The following RBFOX3 variants were observed in gnomAD, a reference collection of about 807,000 sequenced individuals.
RBFOX3 encodes RNA binding fox-1 homolog 3, also known as RNA binding protein fox-1 homolog 3.
A neutral mutation model predicts 48.7 loss-of-function variants in RBFOX3; 17 were observed. The observed-to-expected ratio is 0.35, with a 90% CI of 0.24 to 0.52. The LOEUF is 0.52. RBFOX3 is among the 20% of genes least tolerant of loss of function. RBFOX3 has a pLI of 0.94. For missense variants in RBFOX3, 382 were observed against 497.5 expected, an observed-to-expected ratio of 0.77 and a Z score of 2.21; for synonymous variants, 212 against 209.5, an observed-to-expected ratio of 1.01 and a Z score of -0.10.
intron 4 of RBFOX3, among the ~76,000 whole-genome samples, chr17:79,171,884 A>G (rs1041748907): frequency 6.7e-6 from 1 of 149,414 alleles, no homozygotes; most frequent in Non-Finnish European, 1.5e-5. Flanking sequence ...AGAATTACCA[A>G]CCTTTGGCTG....
At position 79,292,786 on chromosome 17, in the gene RBFOX3, T is replaced by C. The variant is rs369159436; in HGVS notation, c.-74+14938A>G. ...GCCGCTAGAGACCCTACTGTTGTAT[T>C]CTGATTTCACCAACATGAAACTGCA... On this transcript the variant is annotated intron_variant, in intron 3 of 14. Transcript: ENST00000693108. Among the ~76,000 whole-genome samples the C allele has an allele frequency of 1.1e-4, 16 of 151,332 alleles. No individual in the cohort carries two copies. In the South Asian group the frequency reaches 3.3e-3, roughly 32 times the overall value.
At chr17:79,412,074 G>A (rs577259375) in intron 2 of RBFOX3, among the ~76,000 whole-genome samples, 15 of 151,718 alleles carry the variant, frequency 9.9e-5, no homozygotes, top group Admixed American at 5.2e-4. Flanking sequence ...GCGTGTAGAC[G>A]CATGCGTGTA....
chr17:79,330,248 T>C (rs1234721536), intron 2 of RBFOX3, among the ~76,000 whole-genome samples: 1 of 152,180 alleles, frequency 6.6e-6, no homozygotes, highest in Non-Finnish European at 1.5e-5. Context: ...GAGTAGACAC[T>C]GGGGAGTGTC....
chr17:79,295,554 C>T (rs915784006), intron 3 of RBFOX3, among the ~76,000 whole-genome samples: 1 of 152,180 alleles, frequency 6.6e-6, no homozygotes, highest in African/African-American at 2.4e-5. Context: ...ATGCCTGACT[C>T]AGGGTCTGAG....
the RBFOX3 span, among the ~76,000 whole-genome samples, chr17:79,630,709 A>G: frequency 4.6e-5 from 7 of 152,336 alleles, no homozygotes; most frequent in South Asian, 1.0e-3. Flanking sequence ...GTGGTTCAGG[A>G]GAGGAAGGGA....
intron 2 of RBFOX3, chr17:79,424,057 GCACCCTCACT>G (rs1555724324): frequency 6.6e-6 from 1 of 152,268 alleles, no homozygotes; most frequent in Non-Finnish European, 1.5e-5. Flanking sequence ...CGCCCTCTAG[GCACCCTCACT>G]CACCCCATAC....
chr17:79,395,332 G>C (rs1213899134), intron 2 of RBFOX3, among the ~76,000 whole-genome samples: 1 of 152,206 alleles, frequency 6.6e-6, no homozygotes, highest in Non-Finnish European at 1.5e-5. Context: ...TCCACACCTG[G>C]ACTGAGCACA....
chr17:79,637,373 C>T, the RBFOX3 span, among the ~76,000 whole-genome samples: 2 of 152,086 alleles, frequency 1.3e-5, no homozygotes, highest in Non-Finnish European at 2.9e-5. Flanking sequence ...GCACTTGGAA[C>T]ATTCTCCAGG....
At position 79,303,965 on chromosome 17, in the gene RBFOX3, C is replaced by T. The variant is rs375053404; in HGVS notation, c.-74+3759G>A. Among the ~76,000 whole-genome samples, 34 of 152,150 alleles carry T rather than the reference C, an allele frequency of 2.2e-4. No individual in the cohort carries two copies. In the East Asian group the frequency reaches 3.7e-3, roughly 16 times the overall value. ...GGAACATGAAGCCAGATGCACCACC[C>T]GCTATGGAGCTGCCTGCGACTTGGG... On this transcript the variant is annotated intron_variant, in intron 3 of 14. Transcript: ENST00000693108.
intron 2 of RBFOX3, among the ~76,000 whole-genome samples, chr17:79,430,746 C>T (rs1014489934): frequency 2.6e-5 from 4 of 152,122 alleles, no homozygotes; most frequent in Non-Finnish European, 4.4e-5. Context: ...GGTTTTGCCA[C>T]GTTGGCCAGG....
In RBFOX3 at chr17:79,204,877, G is replaced by A. The variant is rs1264736391; in HGVS notation, c.-34+30889C>T. Among the ~76,000 whole-genome samples, 1 of 152,174 alleles carries A rather than the reference G, an allele frequency of 6.6e-6. No homozygotes were observed. The highest frequency in any genetic ancestry group is 1.5e-5 in the Non-Finnish European group (1 of 68,036). ...GCCAGGCTTTGGAGATGACCAGGGT[G>A]CTTTGAACTACAGAAGTCTGCAGCT... On this transcript the variant is annotated intron_variant, in intron 4 of 14. Coordinates refer to ENST00000693108, the MANE Select transcript of RBFOX3 (RefSeq NM_001350451.2). This position sits in a 1 kb window ranked among gnomAD's most constrained non-coding sequence, Gnocchi z 4.5.
chr17:79,373,057 TC>T (rs2058767707), intron 2 of RBFOX3, among the ~76,000 whole-genome samples: 1 of 152,130 alleles, frequency 6.6e-6, no homozygotes, highest in African/African-American at 2.4e-5. Context: ...GAAGCTCACG[TC>T]GCCTCTCAGC....
At chr17:79,189,698 T>C (rs371833008) in intron 4 of RBFOX3, among the ~76,000 whole-genome samples, 1 of 152,268 alleles carries the variant, frequency 6.6e-6, no homozygotes, top group East Asian at 1.9e-4. Flanking sequence ...AGCGCCCAAT[T>C]TCCTGGGCCC....
At chr17:79,439,016 G>T (rs782481119) in intron 2 of RBFOX3, among the ~76,000 whole-genome samples, 8 of 152,212 alleles carry the variant, frequency 5.3e-5, no homozygotes, top group Non-Finnish European at 1.2e-4. Flanking sequence ...CAGCTCCCAA[G>T]ATTTTAATTT....
In RBFOX3 at chr17:79,514,076, C is replaced by G. The variant is rs936518381; in HGVS notation, c.-319-31478G>C. ...ATCGGTGTACTTTCCTGGTATTTACCCCTCTGGAGTTGCTGGGTGGGGACC... is the reference window on the plus strand; with the variant it reads ...ATCGGTGTACTTTCCTGGTATTTACGCCTCTGGAGTTGCTGGGTGGGGACC... On this transcript the variant is annotated intron_variant, in intron 1 of 14. Transcript: ENST00000693108. 4.5e-4 allele frequency among the ~76,000 whole-genome samples: 68 copies of G among 152,296 alleles called. No homozygotes were observed. The East Asian group carries it at 0.012, about 28-fold the overall frequency.
At chr17:79,297,707 C>T (rs892937743) in intron 3 of RBFOX3, among the ~76,000 whole-genome samples, 1 of 152,232 alleles carries the variant, frequency 6.6e-6, no homozygotes, top group African/African-American at 2.4e-5. Context: ...CCACACTGAC[C>T]AGTCCATAGG....
intron 2 of RBFOX3, among the ~76,000 whole-genome samples, chr17:79,409,091 AC>A (rs1271782353): frequency 1.3e-5 from 2 of 152,202 alleles, no homozygotes; most frequent in African/African-American, 2.4e-5. Context: ...ATGGAATCAT[AC>A]AATATGTGGC....
chr17:79,180,549 T>C (rs920548944), intron 4 of RBFOX3, among the ~76,000 whole-genome samples: 4 of 152,224 alleles, frequency 2.6e-5, no homozygotes, highest in African/African-American at 9.6e-5. Context: ...TCTAGAGGCC[T>C]GGCCGGGTAT....
At chr17:79,091,354 T>C (rs953468752) in intron 14 of RBFOX3, among the ~76,000 whole-genome samples, 1 of 152,242 alleles carries the variant, frequency 6.6e-6, no homozygotes, top group East Asian at 1.9e-4. Context: ...CTGAGGCTAC[T>C]TTTCCCTGTC....
Sources: gnomAD v4.1 joint callset for allele counts (sites outside exome capture counted in the v4.1 genomes callset) on GRCh38, gnomAD v4.1.1 for gene constraint, Gnocchi (gnomAD v3.1) non-coding constraint, MANE v1.5 for transcripts, NCBI Gene and HGNC (gene_info 2026-07-23, HGNC 2026-07-21) for gene names.